Variants in PLD5 observed in about 807,000 individuals in gnomAD.
PLD5 encodes inactive phospholipase D5.
In PLD5, 36 loss-of-function variants were observed where a neutral mutation model predicts 61.1. The ratio of observed to expected loss-of-function variants is 0.59; its 90% CI spans 0.45 to 0.78. PLD5 has a LOEUF of 0.78. Ranked by LOEUF, PLD5 falls within the 30% of genes least tolerant of loss-of-function variation. PLD5 has a pLI of 0.00. For missense variants in PLD5, 515 were observed against 644.4 expected, an observed-to-expected ratio of 0.80 and a Z score of 2.17; for synonymous variants, 243 against 242.8, an observed-to-expected ratio of 1.00 and a Z score of -0.01.
At chr1:242,301,965 G>A (rs1489603807) in intron 2 of PLD5, among the ~76,000 whole-genome samples, 3 of 152,064 alleles carry the variant, frequency 2.0e-5, no homozygotes, top group African/African-American at 7.2e-5. Flanking sequence ...ATTTGTAGTA[G>A]AGACAGGGTT....
intron 5 of PLD5, among the ~76,000 whole-genome samples, chr1:242,145,112 G>A (rs1664453690): frequency 6.6e-6 from 1 of 152,212 alleles, no homozygotes; most frequent in Non-Finnish European, 1.5e-5. Context: ...CAAATGCTTA[G>A]TAAAGGATGG....
At chr1:242,275,251 A>C (rs1332168468) in intron 3 of PLD5, among the ~76,000 whole-genome samples, 2 of 152,096 alleles carry the variant, frequency 1.3e-5, no homozygotes, top group African/African-American at 2.4e-5. Context: ...AGGAAAGATC[A>C]TATGATATAT....
At chr1:242,121,765 A>C (rs1662380435) in intron 6 of PLD5, among the ~76,000 whole-genome samples, 1 of 152,160 alleles carries the variant, frequency 6.6e-6, no homozygotes, top group South Asian at 2.1e-4. Context: ...GCAGCCATAA[A>C]AAAGGATGAG....
intron 1 of PLD5, among the ~76,000 whole-genome samples, chr1:242,404,405 A>G (rs1664111485): frequency 6.6e-6 from 1 of 152,204 alleles, no homozygotes; most frequent in South Asian, 2.1e-4. Context: ...TACTAGGAAC[A>G]TCAATCATTT....
At chr1:242,301,934 C>A (rs60379620) in intron 2 of PLD5, among the ~76,000 whole-genome samples, 3,373 of 151,970 alleles carry the variant, frequency 0.022, 131 homozygotes, top group African/African-American at 0.077. Flanking sequence ...CCTGCCACCA[C>A]ACCCGGCTAA....
intron 5 of PLD5, among the ~76,000 whole-genome samples, chr1:242,141,290 T>C (rs1056755138): frequency 6.6e-6 from 1 of 152,156 alleles, no homozygotes; most frequent in African/African-American, 2.4e-5. Flanking sequence ...AGACTCCAAA[T>C]GCAACCACCC....
At chr1:242,269,681 G>A (rs1369473691) in intron 3 of PLD5, among the ~76,000 whole-genome samples, 3 of 152,216 alleles carry the variant, frequency 2.0e-5, no homozygotes, top group Middle Eastern at 3.4e-3. Context: ...AAATGAGTTT[G>A]GGGCTTCCAG....
rs191506033 is a variant in PLD5 at position 242,439,480 on chromosome 1, C to T, written c.189+84608G>A. The stretch of plus-strand genomic sequence containing the variant: ...TAGTTGGCCTGATCTCAGGCACTAG[C>T]GGGAAAATGAAGATTAGCCATGTGT... On this transcript the variant is annotated intron_variant, in intron 1 of 9. Coordinates refer to ENST00000536534, the MANE Select transcript of PLD5 (RefSeq NM_001372062.1). Among the ~76,000 whole-genome samples, 45 of 152,100 alleles carry T rather than the reference C, an allele frequency of 3.0e-4. No individual in the cohort carries two copies. The East Asian group carries it at 7.3e-3, about 25-fold the overall frequency.
rs1311573438 is a variant in PLD5 at position 242,100,891 on chromosome 1, G to A, written c.1240-109C>T. ...AATGTCAACAATAGACCTCAAGTTGGGTTATGAAAGCCATAATCTTATTAC... is the reference window on the plus strand; with the variant it reads ...AATGTCAACAATAGACCTCAAGTTGAGTTATGAAAGCCATAATCTTATTAC... On this transcript the variant is annotated intron_variant, in intron 8 of 9. Transcript: ENST00000536534. The A allele has an allele frequency of 4.3e-6, 3 of 697,086 alleles. No homozygotes were observed. The East Asian group carries it at 8.0e-5, about 19-fold the overall frequency. The allele number at this position is 697,086 out of a possible 1,614,324, so 43.2% of individuals were successfully genotyped here. A position where few individuals can be genotyped will look rare whatever the true frequency, so the allele number is the denominator to read the frequency against.
chr1:242,249,005 G>A (rs575785273), intron 4 of PLD5, among the ~76,000 whole-genome samples: 11 of 152,204 alleles, frequency 7.2e-5, no homozygotes, highest in Admixed American at 2.0e-4. Flanking sequence ...AAAATTAGCC[G>A]GGTGTGGTGG....
intron 1 of PLD5, among the ~76,000 whole-genome samples, chr1:242,366,743 A>C (rs1276746531): frequency 6.6e-6 from 1 of 152,132 alleles, no homozygotes; most frequent in Non-Finnish European, 1.5e-5. Flanking sequence ...CACTAAATTG[A>C]GCTCCTTGAG....
chr1:242,243,752 C>T (rs1672199416), intron 4 of PLD5, among the ~76,000 whole-genome samples: 1 of 152,168 alleles, frequency 6.6e-6, no homozygotes, highest in African/African-American at 2.4e-5. Context: ...AAAGTGAAAG[C>T]TCTCAGGGCT....
At chr1:242,392,069 T>C (rs1443625779) in intron 1 of PLD5, among the ~76,000 whole-genome samples, 2 of 152,164 alleles carry the variant, frequency 1.3e-5, no homozygotes, top group Non-Finnish European at 2.9e-5. Flanking sequence ...TGGAATACTA[T>C]GCAGCCATGA....
At chr1:242,283,068 A>C (rs537406449) in intron 3 of PLD5, among the ~76,000 whole-genome samples, 77 of 152,312 alleles carry the variant, frequency 5.1e-4, no homozygotes, top group African/African-American at 1.7e-3. Context: ...CCCAAACAGC[A>C]ACCTTTTGGA....
intron 1 of PLD5, among the ~76,000 whole-genome samples, chr1:242,509,540 C>A (rs1443888583): frequency 6.6e-6 from 1 of 152,186 alleles, no homozygotes; most frequent in Admixed American, 6.5e-5. Flanking sequence ...CTCCTTTACA[C>A]TTAGAGGACA....
intron 5 of PLD5, among the ~76,000 whole-genome samples, chr1:242,174,676 T>A (rs1424771573): frequency 6.6e-6 from 1 of 152,156 alleles, no homozygotes; most frequent in Non-Finnish European, 1.5e-5. Flanking sequence ...TAGATTGGAT[T>A]AAGAAAACAT....
intron 5 of PLD5, among the ~76,000 whole-genome samples, chr1:242,168,497 A>G (rs961581525): frequency 2.0e-4 from 31 of 152,318 alleles, no homozygotes; most frequent in African/African-American, 7.5e-4. Context: ...TAAACAGCAC[A>G]AATTTAAGAT....
At chr1:242,247,162 T>G (rs1387465834) in intron 4 of PLD5, among the ~76,000 whole-genome samples, 1 of 152,066 alleles carries the variant, frequency 6.6e-6, no homozygotes, top group Non-Finnish European at 1.5e-5. Flanking sequence ...TTTTGTATTT[T>G]TAGTAGAGAC....
At chr1:242,371,078 CT>C (rs1330908495) in intron 1 of PLD5, among the ~76,000 whole-genome samples, 1 of 152,122 alleles carries the variant, frequency 6.6e-6, no homozygotes, top group Non-Finnish European at 1.5e-5. Flanking sequence ...ACCCAACAAT[CT>C]TTATTTTGAG....
Sources: gnomAD v4.1 joint callset for allele counts (sites outside exome capture counted in the v4.1 genomes callset) on GRCh38, gnomAD v4.1.1 for gene constraint, MANE v1.5 for transcripts, NCBI Gene and HGNC (gene_info 2026-07-23, HGNC 2026-07-21) for gene names.